Variants in AGAP1 observed in about 807,000 individuals in gnomAD.
AGAP1 encodes the protein ArfGAP with GTPase domain, ankyrin repeat and PH domain 1.
A neutral mutation model predicts 105.3 loss-of-function variants in AGAP1; 29 were observed. The ratio of observed to expected loss-of-function variants is 0.28; its 90% CI spans 0.21 to 0.38. The LOEUF is 0.38. AGAP1 is among the 10% of genes least tolerant of loss of function. The pLI is 1.00. For synonymous variants in AGAP1, 509 were observed against 485.9 expected, an observed-to-expected ratio of 1.05 and a Z score of -0.63; for missense variants, 998 against 1,165.1, an observed-to-expected ratio of 0.86 and a Z score of 2.09.
At position 235,936,968 on chromosome 2, in the gene AGAP1, A is replaced by G. The variant is rs2053022108; in HGVS notation, c.1483+6045A>G. Among the ~76,000 whole-genome samples the G allele has an allele frequency of 6.6e-6, 1 of 151,962 alleles. No individual in the cohort carries two copies. The highest frequency in any genetic ancestry group is 2.1e-4 in the South Asian group (1 of 4,818). ...TTTTAAGGAGAAACGCATGCTTAGT[A>G]CTAAAACATTGTATCATAAAAATTG... On this transcript the variant is annotated intron_variant, in intron 12 of 17. Transcript: ENST00000304032. This position sits in a 1 kb window ranked among gnomAD's most constrained non-coding sequence, Gnocchi z 4.7.
Position 235,719,462 on chromosome 2 carries a change from T to A in AGAP1, c.310+1818T>A, listed in dbSNP as rs3768967. 2.6e-5 allele frequency among the ~76,000 whole-genome samples: 4 copies of A among 152,180 alleles called. No homozygotes were observed. In the East Asian group the frequency reaches 7.7e-4, roughly 29 times the overall value. ...CACACCAAAGCATTTCTCTTGAACG[T>A]TTATACATCAAAAGGAAGGATTGTG... On this transcript the variant is annotated intron_variant, in intron 3 of 17. Transcript: ENST00000304032. The surrounding 1 kb of genome is among the most constrained non-coding windows in gnomAD (Gnocchi z 4.9).
In AGAP1 at chr2:236,050,324, G is replaced by A. The variant is rs1167190385; in HGVS notation, c.2114+1043G>A. ...TTGGCTCACTGGAGAGAATGAAGCT[G>A]GTGTGTTACTCATCTGGCTCTCCGT... On this transcript the variant is annotated intron_variant, in intron 16 of 17. Transcript: ENST00000304032. This position sits in a 1 kb window ranked among gnomAD's most constrained non-coding sequence, Gnocchi z 4.0. 6.6e-6 allele frequency among the ~76,000 whole-genome samples: 1 copy of A among 152,128 alleles called. No homozygotes were observed. Among genetic ancestry groups the A allele is most frequent in the African/African-American group, 2.4e-5 (1 of 41,418 alleles).
At chr2:235,880,458 C>T (rs1318013190) in intron 9 of AGAP1, among the ~76,000 whole-genome samples, 4 of 151,760 alleles carry the variant, frequency 2.6e-5, no homozygotes, top group Non-Finnish European at 4.4e-5. Context: ...AAATGAATGA[C>T]GGAAAAATGG....
intron 16 of AGAP1, among the ~76,000 whole-genome samples, chr2:236,102,455 GCT>G (rs1448627346): frequency 6.6e-6 from 1 of 150,606 alleles, no homozygotes; most frequent in East Asian, 1.9e-4. Context: ...GGGTGTGGTG[GCT>G]CATGCCTGTA....
At chr2:235,790,473 C>G (rs1177675409) in intron 6 of AGAP1, among the ~76,000 whole-genome samples, 1 of 152,176 alleles carries the variant, frequency 6.6e-6, no homozygotes, top group African/African-American at 2.4e-5. Context: ...CCCCACACCC[C>G]TGCACACTCC....
chr2:235,622,665 A>T lies in AGAP1; in HGVS notation c.164-86514A>T, dbSNP rs1273634865. Reference sequence around the variant, plus strand: ...GGAGCCCTGGCTGGATCAGAAGCACATGGTTCAGTGGACACTGTCAGAGGT... The same window carrying T: ...GGAGCCCTGGCTGGATCAGAAGCACTTGGTTCAGTGGACACTGTCAGAGGT... On this transcript the variant is annotated intron_variant, in intron 1 of 17. Coordinates refer to ENST00000304032, the MANE Select transcript of AGAP1 (RefSeq NM_001037131.3). This position sits in a 1 kb window ranked among gnomAD's most constrained non-coding sequence, Gnocchi z 5.0. 2.6e-5 allele frequency among the ~76,000 whole-genome samples: 4 copies of T among 152,150 alleles called. No individual in the cohort carries two copies. The highest frequency in any genetic ancestry group is 5.9e-5 in the Non-Finnish European group (4 of 68,042).
Position 235,660,789 on chromosome 2 carries a change from A to C in AGAP1, c.164-48390A>C, listed in dbSNP as rs1947923272. Among the ~76,000 whole-genome samples the C allele has an allele frequency of 6.6e-6, 1 of 152,202 alleles. No individual in the cohort carries two copies. The highest frequency in any genetic ancestry group is 2.1e-4 in the South Asian group (1 of 4,830). On this transcript the variant is annotated intron_variant, in intron 1 of 17. Coordinates refer to ENST00000304032, the MANE Select transcript of AGAP1 (RefSeq NM_001037131.3). The surrounding 1 kb of genome is among the most constrained non-coding windows in gnomAD (Gnocchi z 5.3). ...GCATTGGAGCAGATGCTCCCCATAC[A>C]TCATCACATCTTATTGTCGCAGCTA...
intron 11 of AGAP1, among the ~76,000 whole-genome samples, chr2:235,914,355 G>A (rs970545505): frequency 1.3e-5 from 2 of 152,130 alleles, no homozygotes; most frequent in Admixed American, 6.5e-5. Context: ...GGATATTGGG[G>A]TGGGGGGAGG....
At chr2:236,031,263 C>T (rs1273171173) in intron 13 of AGAP1, among the ~76,000 whole-genome samples, 1 of 152,146 alleles carries the variant, frequency 6.6e-6, no homozygotes, top group Non-Finnish European at 1.5e-5. Context: ...TTGAAGTTTG[C>T]CTTCACTAAA....
At chr2:235,509,914 G>A (rs957305873) in intron 1 of AGAP1, among the ~76,000 whole-genome samples, 3 of 152,038 alleles carry the variant, frequency 2.0e-5, no homozygotes, top group Admixed American at 6.6e-5. Context: ...TACCCCCTGA[G>A]CTCCACTTCC....
chr2:235,709,351 C>A, intron 2 of AGAP1, 114 bp downstream of exon 2: 3 of 1,237,634 alleles, frequency 2.4e-6, no homozygotes, highest in South Asian at 1.2e-5. Flanking sequence ...GGAAGTGTGA[C>A]TCTGGGTGTG....
At position 235,952,746 on chromosome 2, in the gene AGAP1, G is replaced by A. The variant is rs190238783; in HGVS notation, c.1484-15716G>A. On this transcript the variant is annotated intron_variant, in intron 12 of 17. Transcript: ENST00000304032. The stretch of plus-strand genomic sequence containing the variant: ...TGGAGTTTCCGCACACACAGACTTC[G>A]AGTGTGCCATCAAGATGGTGTCCCT... Among the ~76,000 whole-genome samples the A allele has an allele frequency of 2.9e-3, 432 of 147,626 alleles. 2 individuals carry two copies. Among genetic ancestry groups the A allele is most frequent in the African/African-American group, 0.011 (417 of 39,416 alleles).
chr2:235,500,579 G>T (rs1394846047), intron 1 of AGAP1, among the ~76,000 whole-genome samples: 2 of 152,218 alleles, frequency 1.3e-5, no homozygotes, highest in Admixed American at 6.5e-5. Context: ...TGCCCTGCAG[G>T]TTTCAGGTGA....
rs377739909 is a variant in AGAP1 at position 235,577,722 on chromosome 2, G to A, written c.163+82873G>A. On this transcript the variant is annotated intron_variant, in intron 1 of 17. Coordinates refer to ENST00000304032, the MANE Select transcript of AGAP1 (RefSeq NM_001037131.3). This position sits in a 1 kb window ranked among gnomAD's most constrained non-coding sequence, Gnocchi z 4.5. Reference sequence around the variant, plus strand: ...TCCCCTCGAAGGCTTGGCTGATTGAGCCAGTAAACAAAAAGTGCATTCAAC... The same window carrying A: ...TCCCCTCGAAGGCTTGGCTGATTGAACCAGTAAACAAAAAGTGCATTCAAC... Among the ~76,000 whole-genome samples the A allele has an allele frequency of 3.9e-5, 6 of 152,166 alleles. No homozygotes were observed. Among genetic ancestry groups the A allele is most frequent in the African/African-American group, 1.4e-4 (6 of 41,432 alleles).
chr2:235,803,051 G>GATTGTGGTGATGGTGATGGTT (rs1957638828), intron 8 of AGAP1, among the ~76,000 whole-genome samples: 2 of 3,588 alleles, frequency 5.6e-4, no homozygotes, highest in African/African-American at 6.2e-4. Flanking sequence ...TGATGGTTGT[G>GATTGTGGTGATGGTGATGGTT]GTGATGGTGG....
chr2:236,063,699 G>C (rs1196361079), intron 16 of AGAP1, among the ~76,000 whole-genome samples: 1 of 152,240 alleles, frequency 6.6e-6, no homozygotes, highest in Non-Finnish European at 1.5e-5. Flanking sequence ...GGGCTTTAGA[G>C]GCAAACTGTC....
chr2:235,566,532 G>T lies in AGAP1; in HGVS notation c.163+71683G>T. 1 of 977,316 alleles carries T rather than the reference G, an allele frequency of 1.0e-6. No homozygotes were observed. Among genetic ancestry groups the T allele is most frequent in the Non-Finnish European group, 1.2e-6 (1 of 822,600 alleles). 60.5% of individuals were successfully genotyped at this position (977,316 alleles called of 1,614,324 possible). A position where few individuals can be genotyped will look rare whatever the true frequency, so the allele number is the denominator to read the frequency against. On this transcript the variant is annotated intron_variant, in intron 1 of 17. Coordinates refer to ENST00000304032, the MANE Select transcript of AGAP1 (RefSeq NM_001037131.3). This position sits in a 1 kb window ranked among gnomAD's most constrained non-coding sequence, Gnocchi z 5.2. ...GAAAAGCACAAATCATCAGTGCGCC[G>T]TACGTTTTGGCCAGCACTTTATTTT...
rs1197701316 is a variant in AGAP1, at chr2:236,083,276, CTAA to C, written c.2114+34000_2114+34002del. Among the ~76,000 whole-genome samples, 1 of 152,190 alleles carries C rather than the reference CTAA, an allele frequency of 6.6e-6. No homozygotes were observed. The highest frequency in any genetic ancestry group is 2.4e-5 in the African/African-American group (1 of 41,448). On this transcript the variant is annotated intron_variant, in intron 16 of 17. Coordinates refer to ENST00000304032, the MANE Select transcript of AGAP1 (RefSeq NM_001037131.3). This position sits in a 1 kb window ranked among gnomAD's most constrained non-coding sequence, Gnocchi z 5.3. ...TCAGGTTTTTCAGGTCAGTGTGTGC[CTAA>C]TAATGCAGATGTCATGTGATGAGCT...
intron 9 of AGAP1, among the ~76,000 whole-genome samples, chr2:235,852,214 G>A (rs1453837495): frequency 1.3e-5 from 2 of 152,204 alleles, no homozygotes; most frequent in Admixed American, 6.5e-5. Context: ...TTCTGTAGCC[G>A]ATTACCCAAT....
Sources: gnomAD v4.1 joint callset for allele counts (sites outside exome capture counted in the v4.1 genomes callset) on GRCh38, gnomAD v4.1.1 for gene constraint, Gnocchi (gnomAD v3.1) non-coding constraint, MANE v1.5 for transcripts, NCBI Gene and HGNC (gene_info 2026-07-23, HGNC 2026-07-21) for gene names.